Variants in NCAPH2 observed in about 807,000 individuals in gnomAD.
NCAPH2 encodes the protein condensin-2 complex subunit H2.
Under a neutral mutation model 88.6 loss-of-function variants are expected in NCAPH2, and 56 were observed. That is an observed-to-expected ratio of 0.63 (90% CI 0.51 to 0.79). The LOEUF (loss-of-function observed/expected upper bound fraction) is 0.79. Among genes scored for constraint, NCAPH2 ranks in the 30% least tolerant of loss-of-function variants. The pLI is 0.00. For missense variants in NCAPH2, 794 were observed against 792.0 expected (o/e 1.00, Z -0.03); for synonymous variants, 378 against 313.6 (o/e 1.21, Z -2.17).
At chr22:50,508,824 A>G (rs2068702392) in intron 1 of NCAPH2, among the ~76,000 whole-genome samples, 3 of 152,324 alleles carry the variant, frequency 2.0e-5, no homozygotes, top group Admixed American at 6.5e-5. Flanking sequence ...GGAATTTTTT[A>G]TCTTGGATTT....
rs759925580 is a variant in NCAPH2, at chr22:50,521,805, C to T, written c.1065C>T (p.Gly355=). 3.0e-5 allele frequency: 49 copies of T among 1,613,788 alleles called. No individual in the cohort carries two copies. The East Asian group carries it at 4.0e-4, about 13-fold the overall frequency. The change falls in exon 12 of 20, where the codon GGC becomes GGT. Residue 355 remains glycine (G), a synonymous_variant. Transcript: ENST00000420993. ...EALGQKRKRK[G]AAKLQDFHQW... is the part of the protein sequence containing the mutation. ...TGGGACAGAAGCGCAAGAGGAAGGG[C>T]GCTGCCAAGCTGCAGGACTTCCACC...
Position 50,523,738 on chromosome 22 carries a change from G to C in NCAPH2, c.*363G>C, listed in dbSNP as rs80358232. 6.2e-7 allele frequency: 1 copy of C among 1,614,078 alleles called. No individual in the cohort carries two copies. The highest frequency in any genetic ancestry group is 1.7e-5 in the Admixed American group (1 of 60,008). ...AGGGTTGAGCAGGTAGATGGCAATG[G>C]AGTGGTCCACGATGTAGTCCTGGTC... On this transcript the variant is annotated 3_prime_UTR_variant, in exon 20 of 20. Coordinates refer to ENST00000420993, the MANE Select transcript of NCAPH2 (RefSeq NM_152299.4).
chr22:50,511,762 C>A (rs968092897), intron 1 of NCAPH2, among the ~76,000 whole-genome samples: 3 of 151,422 alleles, frequency 2.0e-5, no homozygotes, highest in Non-Finnish European at 2.9e-5. Context: ...TCTCCTACTT[C>A]AGCCTCCTCA....
intron 9 of NCAPH2, chr22:50,520,627 C>T (rs1231875468): frequency 1.1e-5 from 2 of 190,144 alleles, no homozygotes; most frequent in South Asian, 1.0e-4. Context: ...GGTGTGATAT[C>T]GGCTCACTGC....
intron 1 of NCAPH2, among the ~76,000 whole-genome samples, chr22:50,513,055 T>C (rs969230634): frequency 5.3e-5 from 8 of 152,254 alleles, no homozygotes; most frequent in Non-Finnish European, 8.8e-5. Flanking sequence ...GTAATAAATA[T>C]GCATTTGGTG....
intron 1 of NCAPH2, among the ~76,000 whole-genome samples, chr22:50,515,475 C>T (rs2068889882): frequency 1.3e-5 from 2 of 152,170 alleles, no homozygotes; most frequent in Non-Finnish European, 2.9e-5. Flanking sequence ...CGGCTCACTG[C>T]AAGCTCCGCC....
chr22:50,519,474 G>A (rs2148664149), intron 9 of NCAPH2, 154 bp downstream of exon 9: 1 of 1,442,698 alleles, frequency 6.9e-7, no homozygotes, highest in Non-Finnish European at 9.1e-7. Context: ...AGCCCGTCCT[G>A]CAACCAGCCC....
rs1193341602 is a variant in NCAPH2, at chr22:50,518,634, C to T, written c.647-15C>T. ...AGGGGCTGGGCTGACCTTGTCTGAT[C>T]CCTGTCTCTCCCAGACACCGGGAGG... On this transcript the variant is annotated splice_polypyrimidine_tract_variant and intron_variant, in intron 7 of 19. Transcript: ENST00000420993. 6.3e-7 allele frequency: 1 copy of T among 1,595,126 alleles called. No individual in the cohort carries two copies. Among genetic ancestry groups the T allele is most frequent in the South Asian group, 1.1e-5 (1 of 87,922 alleles).
At chr22:50,510,071 G>A (rs1453609521) in intron 1 of NCAPH2, among the ~76,000 whole-genome samples, 2 of 152,132 alleles carry the variant, frequency 1.3e-5, no homozygotes, top group African/African-American at 4.8e-5. Context: ...ACAGGCGCCC[G>A]CCTCCACGCC....
At chr22:50,511,076 G>A (rs927814955) in intron 1 of NCAPH2, among the ~76,000 whole-genome samples, 1 of 151,002 alleles carries the variant, frequency 6.6e-6, no homozygotes, top group Non-Finnish European at 1.5e-5. Flanking sequence ...TCGATCTCCT[G>A]ACCTGGTGAT....
intron 1 of NCAPH2, among the ~76,000 whole-genome samples, chr22:50,510,774 T>C (rs954791692): frequency 2.6e-5 from 4 of 152,246 alleles, no homozygotes; most frequent in Middle Eastern, 3.4e-3. Context: ...AAATGTCAGC[T>C]GACCACCCTA....
intron 12 of NCAPH2, 30 bp downstream of exon 12, chr22:50,521,878 A>G: frequency 4.3e-6 from 7 of 1,613,436 alleles, no homozygotes; most frequent in Non-Finnish European, 5.9e-6. Flanking sequence ...ACTCCGGACC[A>G]CTGGGAGCTG....
intron 3 of NCAPH2, 40 bp downstream of exon 3, chr22:50,517,522 G>T: frequency 6.2e-7 from 1 of 1,614,000 alleles, no homozygotes; most frequent in East Asian, 2.2e-5. Context: ...CCTGCATGTG[G>T]CCAGGGAGGC....
At position 50,524,563 on chromosome 22, in the gene NCAPH2, C is replaced by T; in HGVS notation, c.*1188C>T. ...CTTAACAGGCATTTGCAGCTGCTCA[C>T]CTGAGCTCAGAACTCCACCTCCACC... On this transcript the variant is annotated 3_prime_UTR_variant, in exon 20 of 20. Coordinates refer to ENST00000420993, the MANE Select transcript of NCAPH2 (RefSeq NM_152299.4). 2.5e-6 allele frequency: 2 copies of T among 791,512 alleles called. No individual in the cohort carries two copies. The highest frequency in any genetic ancestry group is 4.4e-6 in the Non-Finnish European group (2 of 453,680). The allele number at this position is 791,512 out of a possible 1,614,324, so 49.0% of individuals were successfully genotyped here.
At position 50,516,356 on chromosome 22, in the gene NCAPH2, GGC is replaced by G. The variant is rs1015323930; in HGVS notation, c.109-90_109-89del. ...GAGCTGCCCGTCTCGGGAGGTGCTG[GGC>G]AGAGACCAAAGATGGGTGGGGCTGC... On this transcript the variant is annotated intron_variant, in intron 1 of 19. Transcript: ENST00000420993. The G allele has an allele frequency of 1.9e-4, 223 of 1,201,616 alleles. 2 individuals are homozygous for G. In the East Asian group the frequency reaches 2.8e-3, roughly 15 times the overall value. 74.4% of individuals were successfully genotyped at this position (1,201,616 alleles called of 1,614,324 possible).
chr22:50,515,618 G>A (rs1025569694), intron 1 of NCAPH2: 17 of 856,530 alleles, frequency 2.0e-5, no homozygotes, highest in African/African-American at 1.6e-4. Context: ...GGATGGTCTC[G>A]ATCTCCTGAC....
chr22:50,512,903 T>C (rs768838997), intron 1 of NCAPH2, among the ~76,000 whole-genome samples: 2 of 152,194 alleles, frequency 1.3e-5, no homozygotes, highest in Non-Finnish European at 2.9e-5. Flanking sequence ...ATTTATTCAT[T>C]GTTGTTAGTT....
In NCAPH2 at chr22:50,518,200, G is replaced by T; in HGVS notation, c.568G>T (p.Gly190Trp). The T allele has an allele frequency of 1.2e-6, 2 of 1,614,074 alleles. No homozygotes were observed. Among genetic ancestry groups the T allele is most frequent in the Non-Finnish European group, 1.7e-6 (2 of 1,180,016 alleles). The change falls in exon 7 of 20, where the codon GGG becomes TGG. Residue 190 changes from glycine to tryptophan, a missense_variant. By Grantham distance (184) the Gly-to-Trp change is radical. This residue lies in a region of NCAPH2 where 735 missense variants were observed against 696.3 expected (regional missense o/e 1.06). Coordinates refer to ENST00000420993, the MANE Select transcript of NCAPH2 (RefSeq NM_152299.4). ...RMNTCVPHPR[G>W]AFMLEPEGMS... is the part of the protein sequence containing the mutation. ...GAACACGTGCGTTCCCCACCCCAGA[G>T]GGGCCTTCATGTTGGAGCCAGAGGG... is the stretch of plus-strand genomic sequence containing the variant.
chr22:50,523,185 G>A lies in NCAPH2; in HGVS notation c.1677+19G>A, dbSNP rs200523135. On this transcript the variant is annotated intron_variant, in intron 19 of 19. Transcript: ENST00000420993. ...GCAGCTGGTGAGTAGCCTGGGATAC[G>A]TGGGAGGGGGAGACGGTCCCCAGAC... 5 of 1,613,706 alleles carry A rather than the reference G, an allele frequency of 3.1e-6. No individual in the cohort carries two copies. The highest frequency in any genetic ancestry group is 2.2e-5 in the East Asian group (1 of 44,868).
Sources: allele counts gnomAD v4.1 joint callset (sites outside exome capture counted in the v4.1 genomes callset), GRCh38; gene constraint gnomAD v4.1.1; regional missense constraint gnomAD v4.1.1; transcripts MANE v1.5; gene names NCBI Gene and HGNC (gene_info 2026-07-23, HGNC 2026-07-21).